HACD2: variants seen among roughly 807,000 people sequenced by gnomAD.
The protein encoded by HACD2 is very-long-chain (3R)-3-hydroxyacyl-CoA dehydratase 2.
Under a neutral mutation model 31.0 loss-of-function variants are expected in HACD2, and 15 were observed. The ratio of observed to expected loss-of-function variants is 0.48; its 90% CI spans 0.32 to 0.75. The LOEUF is 0.75. Ranked by LOEUF, HACD2 falls within the 30% of genes least tolerant of loss-of-function variation. HACD2 has a pLI of 0.03. For synonymous variants in HACD2, 115 were observed against 122.2 expected, an observed-to-expected ratio of 0.94 and a Z score of 0.39; for missense variants, 283 against 313.0, an observed-to-expected ratio of 0.90 and a Z score of 0.72.
chr3:123,569,311 T>C (rs895005538), intron 2 of HACD2, among the ~76,000 whole-genome samples: 2 of 152,088 alleles, frequency 1.3e-5, no homozygotes, highest in Admixed American at 1.3e-4. Flanking sequence ...AAATGGGGAA[T>C]GAAAAACATT....
intron 2 of HACD2, 115 bp downstream of exon 2, chr3:123,582,097 A>C (rs1472379484): frequency 1.7e-6 from 1 of 605,812 alleles, no homozygotes; most frequent in Non-Finnish European, 2.6e-6. Context: ...TGAGGAGGCA[A>C]AATTTCAAAA....
intron 6 of HACD2, among the ~76,000 whole-genome samples, chr3:123,499,927 C>T (rs2055882261): frequency 6.6e-6 from 1 of 152,074 alleles, no homozygotes; most frequent in Non-Finnish European, 1.5e-5. Flanking sequence ...TTTGATTATC[C>T]ATATACTTAA....
chr3:123,513,191 G>A (rs763421317), intron 4 of HACD2, among the ~76,000 whole-genome samples: 5 of 152,152 alleles, frequency 3.3e-5, no homozygotes, highest in Non-Finnish European at 7.3e-5. Context: ...AATTATACAG[G>A]AATTCATGAG....
intron 2 of HACD2, among the ~76,000 whole-genome samples, chr3:123,570,115 G>A (rs1156247453): frequency 6.7e-6 from 1 of 148,168 alleles, no homozygotes; most frequent in South Asian, 2.2e-4. Context: ...TTGCATGACA[G>A]AGCAGTAGGT....
Position 123,569,165 on chromosome 3 carries a change from C to G in HACD2, c.274-1385G>C, listed in dbSNP as rs145833594. Among the ~76,000 whole-genome samples the G allele has an allele frequency of 3.7e-3, 569 of 152,086 alleles. 1 individual carries two copies. Among genetic ancestry groups the G allele is most frequent in the African/African-American group, 0.013 (542 of 41,486 alleles). On this transcript the variant is annotated intron_variant, in intron 2 of 6. Transcript: ENST00000383657. ...ATGTTGCTGGTAACTGACAGGAGAACAAAATAATTACCACATTGCAAATCT... is the reference window on the plus strand; with the variant it reads ...ATGTTGCTGGTAACTGACAGGAGAAGAAAATAATTACCACATTGCAAATCT...
chr3:123,508,780 CAT>C (rs2056011078), intron 4 of HACD2, among the ~76,000 whole-genome samples: 1 of 152,134 alleles, frequency 6.6e-6, no homozygotes, highest in African/African-American at 2.4e-5. Flanking sequence ...AACAGAACAC[CAT>C]AGACTGGGGG....
chr3:123,546,501 A>C (rs1473678544), intron 3 of HACD2, among the ~76,000 whole-genome samples: 1 of 152,172 alleles, frequency 6.6e-6, no homozygotes. Flanking sequence ...ACATAAACCA[A>C]GTTTCTGGAA....
At chr3:123,553,561 T>C (rs1490587824) in intron 3 of HACD2, among the ~76,000 whole-genome samples, 1 of 152,240 alleles carries the variant, frequency 6.6e-6, no homozygotes, top group Non-Finnish European at 1.5e-5. Flanking sequence ...TTTTCCCAGG[T>C]CATTTCTTAG....
At chr3:123,571,740 C>G (rs2056857796) in intron 2 of HACD2, among the ~76,000 whole-genome samples, 1 of 152,156 alleles carries the variant, frequency 6.6e-6, no homozygotes, top group South Asian at 2.1e-4. Context: ...CCCAGTCAAG[C>G]CCAGCTTCTG....
intron 3 of HACD2, among the ~76,000 whole-genome samples, chr3:123,564,778 G>A (rs554614188): frequency 1.8e-4 from 28 of 152,312 alleles, no homozygotes; most frequent in Middle Eastern, 3.4e-3. Context: ...TGAGCATTTT[G>A]TGCACTGAGA....
At chr3:123,515,728 A>G (rs2056126223) in intron 4 of HACD2, among the ~76,000 whole-genome samples, 1 of 152,168 alleles carries the variant, frequency 6.6e-6, no homozygotes, top group Non-Finnish European at 1.5e-5. Context: ...TGGTTTAAAA[A>G]AAAAAGATAT....
chr3:123,569,292 T>A (rs2056827454), intron 2 of HACD2, among the ~76,000 whole-genome samples: 1 of 152,116 alleles, frequency 6.6e-6, no homozygotes, highest in Admixed American at 6.5e-5. Context: ...AAAAGACAGA[T>A]CTAGATCAAA....
At chr3:123,510,893 G>C (rs191304029) in intron 4 of HACD2, among the ~76,000 whole-genome samples, 1 of 150,102 alleles carries the variant, frequency 6.7e-6, no homozygotes, top group African/African-American at 2.4e-5. Flanking sequence ...CCAACAGTGC[G>C]CAACAAGAGT....
chr3:123,522,324 T>C (rs1468950838), intron 4 of HACD2, among the ~76,000 whole-genome samples: 1 of 88,262 alleles, frequency 1.1e-5, no homozygotes, highest in Non-Finnish European at 2.4e-5. Flanking sequence ...CAGGACCCTG[T>C]CTCCAAACAA....
Position 123,492,274 on chromosome 3 carries a change from A to T in HACD2, c.*2614T>A, listed in dbSNP as rs1410457636. Reference sequence around the variant, plus strand: ...CCCACGGAGGGATCTGAAATACATAATCAAGTGGGTAGTTGGGAGGATGAT... The same window carrying T: ...CCCACGGAGGGATCTGAAATACATATTCAAGTGGGTAGTTGGGAGGATGAT... On this transcript the variant is annotated 3_prime_UTR_variant, in exon 7 of 7. Coordinates refer to ENST00000383657, the MANE Select transcript of HACD2 (RefSeq NM_198402.5). 6.6e-6 allele frequency: 1 copy of T among 152,216 alleles called. No individual in the cohort carries two copies. The highest frequency in any genetic ancestry group is 1.5e-5 in the Non-Finnish European group (1 of 68,042). The allele number at this position is 152,216 out of a possible 1,614,324, so 9.4% of individuals were successfully genotyped here. A position where few individuals can be genotyped will look rare whatever the true frequency, so the allele number is the denominator to read the frequency against.
rs74405167 is a variant in HACD2, at chr3:123,516,691, C to T, written c.381+11695G>A. On this transcript the variant is annotated intron_variant, in intron 4 of 6. Transcript: ENST00000383657. ...ACTCTTGGTCACAAAGTAAACTTTT[C>T]TGAACATGCAATGAAAAGATATATA... 9.7e-4 allele frequency among the ~76,000 whole-genome samples: 148 copies of T among 152,312 alleles called. 2 individuals carry two copies. The highest frequency in any genetic ancestry group is 3.5e-3 in the African/African-American group (146 of 41,580).
chr3:123,506,666 C>A (rs1047130551), intron 4 of HACD2, among the ~76,000 whole-genome samples: 1 of 152,100 alleles, frequency 6.6e-6, no homozygotes, highest in Non-Finnish European at 1.5e-5. Context: ...AACTCCTAGA[C>A]TCAAGTGATC....
In HACD2 at chr3:123,585,051, C is replaced by G. The variant is rs758190369; in HGVS notation, c.-24G>C. ...ATGTCAAGTGCCCGAAGCCCGCTCT[C>G]CTAGCGCGAGCGGCTCGGGCCGGAC... On this transcript the variant is annotated 5_prime_UTR_variant, in exon 1 of 7. Coordinates refer to ENST00000383657, the MANE Select transcript of HACD2 (RefSeq NM_198402.5). 2.4e-5 allele frequency: 35 copies of G among 1,437,140 alleles called. No homozygotes were observed. Among genetic ancestry groups the G allele is most frequent in the Non-Finnish European group, 2.9e-5 (32 of 1,097,780 alleles). 89.0% of individuals were successfully genotyped at this position (1,437,140 alleles called of 1,614,324 possible).
intron 4 of HACD2, among the ~76,000 whole-genome samples, chr3:123,520,575 G>A (rs1476969915): frequency 6.6e-6 from 1 of 152,188 alleles, no homozygotes; most frequent in Non-Finnish European, 1.5e-5. Context: ...AGTTCTATTG[G>A]ACAGTGCTGG....
Sources: gnomAD v4.1 joint callset for allele counts (sites outside exome capture counted in the v4.1 genomes callset) on GRCh38, gnomAD v4.1.1 for gene constraint, MANE v1.5 for transcripts, NCBI Gene and HGNC (gene_info 2026-07-23, HGNC 2026-07-21) for gene names.